The following SUGT1 variants were observed in gnomAD, a reference collection of about 807,000 sequenced individuals.
SUGT1 encodes the protein protein SGT1 homolog.
A neutral mutation model predicts 56.1 loss-of-function variants in SUGT1; 15 were observed. The ratio of observed to expected loss-of-function variants is 0.27; its 90% CI spans 0.18 to 0.41. SUGT1 has a LOEUF of 0.41. Ranked by LOEUF, SUGT1 falls within the 10% of genes least tolerant of loss-of-function variation. SUGT1 has a pLI of 1.00. For missense variants in SUGT1, 347 were observed against 382.2 expected (o/e 0.91, Z 0.77); for synonymous variants, 123 against 128.6 (o/e 0.96, Z 0.30).
In SUGT1 at chr13:52,674,054, T is replaced by TTTG. The variant is rs386379199; in HGVS notation, c.628-2174_628-2173insGTT. On this transcript the variant is annotated intron_variant, in intron 10 of 12. Coordinates refer to ENST00000310528, the MANE Select transcript of SUGT1 (RefSeq NM_006704.5). Reference sequence around the variant, plus strand: ...GTAAATTACACCAAAGATAGTATACTTTTTTTTTTTTTTTTTTTTTGACAG... The same window carrying TTTG: ...GTAAATTACACCAAAGATAGTATACTTTGTTTTTTTTTTTTTTTTTTTTGACAG... 3.6e-3 allele frequency among the ~76,000 whole-genome samples: 5 copies of TTTG among 1,384 alleles called. No individual in the cohort carries two copies. In the East Asian group the frequency reaches 0.071, roughly 20 times the overall value. 0.9% of individuals were successfully genotyped at this position (1,384 alleles called of 152,430 possible). A position where few individuals can be genotyped will look rare whatever the true frequency, so the allele number is the denominator to read the frequency against.
intron 2 of SUGT1, among the ~76,000 whole-genome samples, chr13:52,653,468 T>C (rs1962012239): frequency 6.6e-6 from 1 of 152,214 alleles, no homozygotes; most frequent in Admixed American, 6.5e-5. Flanking sequence ...CAATAATTCT[T>C]GCCATTCTTA....
intron 8 of SUGT1, among the ~76,000 whole-genome samples, chr13:52,664,899 A>G (rs1023829910): frequency 1.3e-5 from 2 of 152,190 alleles, no homozygotes; most frequent in African/African-American, 4.8e-5. Context: ...TCCTAGGGAT[A>G]TAATAGCGAC....
rs1443732699 is a variant in SUGT1, at chr13:52,690,883, T to C, written c.*3048T>C. On this transcript the variant is annotated 3_prime_UTR_variant, in exon 13 of 13. Transcript: ENST00000310528. Reference sequence around the variant, plus strand: ...ACATTTTTATTCCTTTTTTAAAAATTTGTTTAGAGACACGGTCTTCTTCTA... The same window carrying C: ...ACATTTTTATTCCTTTTTTAAAAATCTGTTTAGAGACACGGTCTTCTTCTA... 6.6e-6 allele frequency: 1 copy of C among 152,032 alleles called. No individual in the cohort carries two copies. Among genetic ancestry groups the C allele is most frequent in the Non-Finnish European group, 1.5e-5 (1 of 67,984 alleles). The allele number at this position is 152,032 out of a possible 1,614,324, so 9.4% of individuals were successfully genotyped here. A position where few individuals can be genotyped will look rare whatever the true frequency, so the allele number is the denominator to read the frequency against.
At chr13:52,661,970 A>G (rs552086229) in intron 5 of SUGT1, among the ~76,000 whole-genome samples, 1 of 152,328 alleles carries the variant, frequency 6.6e-6, no homozygotes, top group South Asian at 2.1e-4. Context: ...ATATCTTACT[A>G]TGCACTGTGA....
chr13:52,676,356 A>T, intron 11 of SUGT1, 36 bp downstream of exon 11: 5 of 1,525,324 alleles, frequency 3.3e-6, no homozygotes, highest in Non-Finnish European at 4.5e-6. Context: ...TTATATTCAT[A>T]TTGTGTTGTG....
At chr13:52,668,352 CAT>C (rs1438752400) in intron 10 of SUGT1, among the ~76,000 whole-genome samples, 4 of 152,082 alleles carry the variant, frequency 2.6e-5, no homozygotes, top group Non-Finnish European at 5.9e-5. Context: ...GCTCTAAGGA[CAT>C]GTGAAGTTTC....
intron 4 of SUGT1, 140 bp from the exon 5 acceptor site, chr13:52,659,039 G>A (rs9634852): frequency 3.6e-6 from 2 of 558,360 alleles, no homozygotes; most frequent in Non-Finnish European, 5.9e-6. Context: ...CAGTATATTA[G>A]AAAGTCTCTA....
In SUGT1 at chr13:52,692,135, CATT is replaced by C. The variant is rs1311396296; in HGVS notation, c.*4303_*4305del. ...CTAGCATTTCTTATGGATTGGGTGG[CATT>C]ATCTCATTTTTAATCGCCCTTCAAT... is the stretch of plus-strand genomic sequence containing the variant. On this transcript the variant is annotated 3_prime_UTR_variant, in exon 13 of 13. Coordinates refer to ENST00000310528, the MANE Select transcript of SUGT1 (RefSeq NM_006704.5). 1 of 152,110 alleles carries C rather than the reference CATT, an allele frequency of 6.6e-6. No homozygotes were observed. Among genetic ancestry groups the C allele is most frequent in the African/African-American group, 2.4e-5 (1 of 41,416 alleles). 9.4% of individuals were successfully genotyped at this position (152,110 alleles called of 1,614,324 possible). A position where few individuals can be genotyped will look rare whatever the true frequency, so the allele number is the denominator to read the frequency against.
At chr13:52,660,623 G>A (rs7336771) in intron 5 of SUGT1, among the ~76,000 whole-genome samples, 81,295 of 151,894 alleles carry the variant, frequency 0.54, 21,959 homozygotes, top group East Asian at 0.74. Flanking sequence ...GAGAGGTCTG[G>A]GTGATAAGGC....
Position 52,658,430 on chromosome 13 carries a change from A to G in SUGT1, c.219A>G (p.Glu73=), listed in dbSNP as rs773623424. 7.4e-6 allele frequency: 12 copies of G among 1,612,866 alleles called. No homozygotes were observed. Among genetic ancestry groups the G allele is most frequent in the Admixed American group, 5.0e-5 (3 of 59,778 alleles). The change falls in exon 4 of 13, where the codon GAA becomes GAG. Residue 73 remains glutamate, a synonymous_variant. Transcript: ENST00000310528. ...VAVADAKKSL[E]LNPNNSTAML... ...TTGCTGATGCAAAGAAGTCTCTAGA[A>G]CTCAATCCAAATAATTCCACTGCTA... is the stretch of plus-strand genomic sequence containing the variant.
rs200012001 is a variant in SUGT1 at position 52,692,455 on chromosome 13, G to GC, written c.*4620_*4621insC. 6.6e-6 allele frequency: 1 copy of GC among 151,322 alleles called. No homozygotes were observed. Among genetic ancestry groups the GC allele is most frequent in the African/African-American group, 2.4e-5 (1 of 41,120 alleles). The allele number at this position is 151,322 out of a possible 1,614,324, so 9.4% of individuals were successfully genotyped here. A position where few individuals can be genotyped will look rare whatever the true frequency, so the allele number is the denominator to read the frequency against. ...GAGACAGTCTCACTCTGTCGTTCAG[G>GC]GAAGGAATGCAGTGGTGCAATCTTG... On this transcript the variant is annotated 3_prime_UTR_variant, in exon 13 of 13. Transcript: ENST00000310528.
chr13:52,658,355 G>T, intron 3 of SUGT1, 44 bp from the exon 4 acceptor site: 3 of 1,600,690 alleles, frequency 1.9e-6, no homozygotes, highest in Non-Finnish European at 2.6e-6. Context: ...GTATTTGCTA[G>T]GATCTATAAA....
At chr13:52,666,609 A>T (rs1962714377) in intron 9 of SUGT1, among the ~76,000 whole-genome samples, 1 of 152,190 alleles carries the variant, frequency 6.6e-6, no homozygotes, top group East Asian at 1.9e-4. Context: ...TGATGTCTAT[A>T]AGAATTCATG....
chr13:52,678,120 GGA>G (rs1264700975), intron 11 of SUGT1, among the ~76,000 whole-genome samples: 1 of 152,026 alleles, frequency 6.6e-6, no homozygotes, highest in Non-Finnish European at 1.5e-5. Context: ...ATCCTTCCTG[GGA>G]GTCAGCATTA....
At chr13:52,680,377 T>A (rs1963323781) in intron 12 of SUGT1, among the ~76,000 whole-genome samples, 2 of 152,206 alleles carry the variant, frequency 1.3e-5, no homozygotes, top group Non-Finnish European at 2.9e-5. Flanking sequence ...TAGGTATTTT[T>A]TATCAGTGAG....
At chr13:52,658,303 A>G (rs2138108871) in intron 3 of SUGT1, 96 bp from the exon 4 acceptor site, 3 of 1,569,678 alleles carry the variant, frequency 1.9e-6, no homozygotes, top group East Asian at 2.3e-5. Context: ...ATTTCTACCA[A>G]CTTGAAAACT....
chr13:52,662,540 C>CGAATGAAG, intron 5 of SUGT1, 109 bp from the exon 6 acceptor site: 2 of 1,041,476 alleles, frequency 1.9e-6, no homozygotes, highest in Non-Finnish European at 2.9e-6. Flanking sequence ...TCGCTGCCGA[C>CGAATGAAG]TCCCCAGTGC....
At position 52,687,835 on chromosome 13, in the gene SUGT1, A is replaced by G; in HGVS notation, c.1002A>G (p.Ter334=). 6.3e-7 allele frequency: 1 copy of G among 1,587,154 alleles called. No individual in the cohort carries two copies. Among genetic ancestry groups the G allele is most frequent in the South Asian group, 1.2e-5 (1 of 86,008 alleles). ...PPDDMEWKKY[*] ...ATGATATGGAATGGAAAAAGTACTA[A>G]ATAAATTAATTTGCTCTCATCGTAT... The change falls in exon 13 of 13, where the codon TAA becomes TAG. Residue 334 remains the stop codon, a stop_retained_variant. Coordinates refer to ENST00000310528, the MANE Select transcript of SUGT1 (RefSeq NM_006704.5).
rs1280262600 is a variant in SUGT1 at position 52,695,808 on chromosome 13, TCTG to T, written c.*7977_*7979del. 6.6e-6 allele frequency: 1 copy of T among 152,262 alleles called. No homozygotes were observed. Among genetic ancestry groups the T allele is most frequent in the Non-Finnish European group, 1.5e-5 (1 of 68,058 alleles). 9.4% of individuals were successfully genotyped at this position (152,262 alleles called of 1,614,324 possible). A position where few individuals can be genotyped will look rare whatever the true frequency, so the allele number is the denominator to read the frequency against. On this transcript the variant is annotated 3_prime_UTR_variant, in exon 13 of 13. Coordinates refer to ENST00000310528, the MANE Select transcript of SUGT1 (RefSeq NM_006704.5). Reference sequence around the variant, plus strand: ...ATTCTTTGTTTTTAGTGTTCAGACATCTGCTGTTTCTGAATATGTCGTGTATTT... The same window carrying T: ...ATTCTTTGTTTTTAGTGTTCAGACATCTGTTTCTGAATATGTCGTGTATTT...
Sources: allele counts gnomAD v4.1 joint callset (sites outside exome capture counted in the v4.1 genomes callset), GRCh38; gene constraint gnomAD v4.1.1; transcripts MANE v1.5; gene names NCBI Gene and HGNC (gene_info 2026-07-23, HGNC 2026-07-21).